DSCAM: variants seen among roughly 807,000 people sequenced by gnomAD.
The protein encoded by DSCAM is cell adhesion molecule DSCAM.
DSCAM carries 47 observed loss-of-function variants against 217.7 expected under a neutral mutation model. The ratio of observed to expected loss-of-function variants is 0.22; its 90% CI spans 0.17 to 0.28. The LOEUF is 0.28. Ranked by LOEUF, DSCAM falls within the 10% of genes least tolerant of loss-of-function variation. DSCAM has a pLI of 1.00. For synonymous variants in DSCAM, 1,056 were observed against 1,015.3 expected (o/e 1.04, Z -0.76); for missense variants, 2,080 against 2,618.3 (o/e 0.79, Z 4.49).
intron 3 of DSCAM, among the ~76,000 whole-genome samples, chr21:40,632,553 T>C (rs1439221962): frequency 6.6e-6 from 1 of 152,214 alleles, no homozygotes; most frequent in African/African-American, 2.4e-5. Context: ...ATGTGCTCCA[T>C]AGTAAATGCT....
chr21:40,261,615 C>T (rs1184605952), intron 11 of DSCAM, among the ~76,000 whole-genome samples: 1 of 150,478 alleles, frequency 6.6e-6, no homozygotes, highest in East Asian at 2.0e-4. Context: ...ATCATGTGGG[C>T]CAATTCCTTA....
At chr21:40,484,015 G>C (rs1226208754) in intron 3 of DSCAM, among the ~76,000 whole-genome samples, 1 of 152,188 alleles carries the variant, frequency 6.6e-6, no homozygotes, top group African/African-American at 2.4e-5. Flanking sequence ...ATTACGAACT[G>C]TTAATTCTAC....
intron 32 of DSCAM, among the ~76,000 whole-genome samples, chr21:40,033,334 G>A (rs959218232): frequency 1.4e-4 from 22 of 152,228 alleles, no homozygotes; most frequent in African/African-American, 5.1e-4. Flanking sequence ...TGCGCGAGCC[G>A]AAGCAGGGCG....
At chr21:40,695,090 T>C (rs2090582046) in intron 2 of DSCAM, among the ~76,000 whole-genome samples, 1 of 152,182 alleles carries the variant, frequency 6.6e-6, no homozygotes, top group East Asian at 1.9e-4. Flanking sequence ...AAAATCACTC[T>C]GTCTCCCCAA....
chr21:40,700,982 C>G (rs1269993029), intron 2 of DSCAM, among the ~76,000 whole-genome samples: 1 of 152,136 alleles, frequency 6.6e-6, no homozygotes, highest in Non-Finnish European at 1.5e-5. Flanking sequence ...AGTGATTCTC[C>G]TGCCTTGGTC....
chr21:40,636,008 T>C (rs1304046754), intron 3 of DSCAM, among the ~76,000 whole-genome samples: 2 of 152,070 alleles, frequency 1.3e-5, no homozygotes, highest in Non-Finnish European at 2.9e-5. Context: ...AAGAGAAAAA[T>C]GCATTTTGTT....
intron 14 of DSCAM, among the ~76,000 whole-genome samples, chr21:40,184,068 C>T (rs2090868324): frequency 6.6e-6 from 1 of 152,140 alleles, no homozygotes; most frequent in Non-Finnish European, 1.5e-5. Flanking sequence ...AATTAATAGT[C>T]ACAAGCCCAC....
At chr21:40,359,980 G>T (rs192143131) in intron 4 of DSCAM, among the ~76,000 whole-genome samples, 126 of 152,052 alleles carry the variant, frequency 8.3e-4, no homozygotes, top group Middle Eastern at 3.4e-3. Context: ...ACCTGAATGA[G>T]GTATTTATTT....
At chr21:40,209,334 G>A (rs1055713610) in intron 11 of DSCAM, among the ~76,000 whole-genome samples, 5 of 152,160 alleles carry the variant, frequency 3.3e-5, no homozygotes, top group African/African-American at 9.7e-5. Context: ...GAAGAAGACT[G>A]GATGAAGTGA....
intron 16 of DSCAM, among the ~76,000 whole-genome samples, chr21:40,157,098 A>G (rs2090486607): frequency 6.6e-6 from 1 of 152,216 alleles, no homozygotes; most frequent in Non-Finnish European, 1.5e-5. Context: ...AATGATTGAA[A>G]AAAATCAAAA....
intron 11 of DSCAM, among the ~76,000 whole-genome samples, chr21:40,245,675 AG>A (rs2073214310): frequency 6.6e-6 from 1 of 152,168 alleles, no homozygotes; most frequent in East Asian, 1.9e-4. Context: ...CCTTTATGCC[AG>A]GAATTAACAA....
intron 3 of DSCAM, among the ~76,000 whole-genome samples, chr21:40,412,225 C>T (rs1043216229): frequency 6.6e-6 from 1 of 152,098 alleles, no homozygotes; most frequent in Non-Finnish European, 1.5e-5. Context: ...TGAAAATGGA[C>T]GAATACCGTA....
intron 3 of DSCAM, among the ~76,000 whole-genome samples, chr21:40,569,126 C>T (rs2076786864): frequency 6.6e-6 from 1 of 152,196 alleles, no homozygotes; most frequent in Admixed American, 6.5e-5. Flanking sequence ...GGAGAGCTGG[C>T]CCCAGGGTGC....
chr21:40,547,338 C>A (rs1184440740), intron 3 of DSCAM, among the ~76,000 whole-genome samples: 2 of 152,168 alleles, frequency 1.3e-5, no homozygotes, highest in African/African-American at 4.8e-5. Context: ...GGCTTATAAT[C>A]AAATCAGCCC....
intron 3 of DSCAM, among the ~76,000 whole-genome samples, chr21:40,649,374 C>T (rs62223650): frequency 6.6e-6 from 1 of 152,174 alleles, no homozygotes; most frequent in East Asian, 1.9e-4. Flanking sequence ...GACAGCCCCA[C>T]TCCCAAGACC....
At chr21:40,516,623 AC>A (rs1467896458) in intron 3 of DSCAM, among the ~76,000 whole-genome samples, 2 of 152,128 alleles carry the variant, frequency 1.3e-5, no homozygotes, top group African/African-American at 4.8e-5. Context: ...ATGTGAATTG[AC>A]GTTGCCATGG....
At chr21:40,660,638 T>C (rs906852368) in intron 3 of DSCAM, among the ~76,000 whole-genome samples, 1 of 152,108 alleles carries the variant, frequency 6.6e-6, no homozygotes, top group Non-Finnish European at 1.5e-5. Context: ...CGTGAGGGTG[T>C]AGAAAACATG....
At chr21:40,055,341 C>T (rs1301994050) in intron 29 of DSCAM, among the ~76,000 whole-genome samples, 2 of 152,042 alleles carry the variant, frequency 1.3e-5, no homozygotes, top group Admixed American at 6.6e-5. Flanking sequence ...GAGGGGGGCA[C>T]GGAGTGGATT....
At chr21:40,324,269 T>C (rs952743990) in intron 8 of DSCAM, among the ~76,000 whole-genome samples, 26 of 151,442 alleles carry the variant, frequency 1.7e-4, no homozygotes, top group African/African-American at 5.6e-4. Context: ...GAAAAAGATA[T>C]CCCAAGGCAT....
Sources: gnomAD v4.1 joint callset for allele counts (sites outside exome capture counted in the v4.1 genomes callset) on GRCh38, gnomAD v4.1.1 for gene constraint, MANE v1.5 for transcripts, NCBI Gene and HGNC (gene_info 2026-07-23, HGNC 2026-07-21) for gene names.